Variants in BBS9 observed in about 807,000 individuals in gnomAD.
The protein encoded by BBS9 is Bardet-Biedl syndrome 9.
In BBS9, 89 loss-of-function variants were observed where a neutral mutation model predicts 117.7. That is an observed-to-expected ratio of 0.76 (90% CI 0.64 to 0.90). BBS9 has a LOEUF of 0.90. BBS9 is among the 40% of genes least tolerant of loss of function. The pLI is 0.00. For synonymous variants in BBS9, 379 were observed against 370.9 expected, an observed-to-expected ratio of 1.02 and a Z score of -0.25; for missense variants, 982 against 1,042.2, an observed-to-expected ratio of 0.94 and a Z score of 0.80.
intron 12 of BBS9, among the ~76,000 whole-genome samples, chr7:33,348,079 A>G (rs144970244): frequency 2.1e-4 from 32 of 152,238 alleles, no homozygotes; most frequent in Admixed American, 3.9e-4. Context: ...AGAATTTTGC[A>G]ACTATCACCA....
intron 19 of BBS9, among the ~76,000 whole-genome samples, chr7:33,435,706 A>G (rs1835205095): frequency 6.6e-6 from 1 of 152,228 alleles, no homozygotes; most frequent in African/African-American, 2.4e-5. Context: ...AATCACAATA[A>G]TGAAGATAAT....
At chr7:33,407,719 G>A (rs1830300796) in intron 19 of BBS9, among the ~76,000 whole-genome samples, 1 of 152,138 alleles carries the variant, frequency 6.6e-6, no homozygotes, top group Non-Finnish European at 1.5e-5. Context: ...TGTTTGCCTG[G>A]GTATCAGCAG....
chr7:33,413,569 G>C (rs1831492538), intron 19 of BBS9, among the ~76,000 whole-genome samples: 1 of 152,184 alleles, frequency 6.6e-6, no homozygotes, highest in East Asian at 1.9e-4. Context: ...CATCTTATGG[G>C]GTTTGCCAAC....
intron 19 of BBS9, among the ~76,000 whole-genome samples, chr7:33,392,769 T>A (rs1827272888): frequency 6.6e-6 from 1 of 152,226 alleles, no homozygotes; most frequent in Non-Finnish European, 1.5e-5. Flanking sequence ...AACTTAAATT[T>A]TTGTTGTCAT....
At chr7:33,552,856 A>G (rs1243712570) in intron 21 of BBS9, among the ~76,000 whole-genome samples, 1 of 152,062 alleles carries the variant, frequency 6.6e-6, no homozygotes, top group African/African-American at 2.4e-5. Context: ...TGGTTTTAGG[A>G]TTAAACTTAG....
At chr7:33,451,061 T>A (rs1837767454) in intron 19 of BBS9, among the ~76,000 whole-genome samples, 1 of 152,038 alleles carries the variant, frequency 6.6e-6, no homozygotes. Flanking sequence ...GCTAATTTTT[T>A]GTATTTTTAG....
intron 4 of BBS9, among the ~76,000 whole-genome samples, chr7:33,160,798 A>G (rs1193332873): frequency 1.3e-5 from 2 of 152,140 alleles, no homozygotes; most frequent in African/African-American, 4.8e-5. Context: ...AGAAGATTCA[A>G]TCTTTGTGTT....
chr7:33,196,234 GT>G (rs1784914683), intron 5 of BBS9, among the ~76,000 whole-genome samples: 1 of 151,772 alleles, frequency 6.6e-6, no homozygotes, highest in Non-Finnish European at 1.5e-5. Context: ...CCACTCTGAG[GT>G]TTTGCTACAT....
At chr7:33,550,228 G>C (rs1249319358) in intron 21 of BBS9, among the ~76,000 whole-genome samples, 2 of 152,014 alleles carry the variant, frequency 1.3e-5, no homozygotes, top group African/African-American at 4.8e-5. Flanking sequence ...CCAACAATAA[G>C]ATGAATGTTT....
chr7:33,376,033 T>TA lies in BBS9; in HGVS notation c.1790-7626dup, dbSNP rs1338580081. Among the ~76,000 whole-genome samples, 3 of 152,276 alleles carry TA rather than the reference T, an allele frequency of 2.0e-5. No individual in the cohort carries two copies. The South Asian group carries it at 6.2e-4, about 32-fold the overall frequency. ...TAAATGTTTATTATGAGTTTTACATTAAAAAAACTTTTAGGTTCAGGGGTA... is the reference window on the plus strand; with the variant it reads ...TAAATGTTTATTATGAGTTTTACATTAAAAAAAACTTTTAGGTTCAGGGGTA... On this transcript the variant is annotated intron_variant, in intron 17 of 22. Coordinates refer to ENST00000242067, the MANE Select transcript of BBS9 (RefSeq NM_198428.3).
chr7:33,328,831 T>C (rs1813364672), intron 9 of BBS9, among the ~76,000 whole-genome samples: 1 of 152,112 alleles, frequency 6.6e-6, no homozygotes, highest in Admixed American at 6.5e-5. Context: ...TCAAATAATT[T>C]CATGTTACAC....
chr7:33,512,421 AC>A (rs1194700330), intron 20 of BBS9, among the ~76,000 whole-genome samples: 2 of 152,252 alleles, frequency 1.3e-5, no homozygotes, highest in African/African-American at 4.8e-5. Context: ...GACTAAAAAA[AC>A]AAATAAAGAA....
chr7:33,592,911 A>G (rs1270572047), intron 21 of BBS9, among the ~76,000 whole-genome samples: 1 of 151,974 alleles, frequency 6.6e-6, no homozygotes, highest in African/African-American at 2.4e-5. Context: ...ATTTCATTTC[A>G]TTTTTTTGAG....
At chr7:33,377,454 G>A (rs1824109502) in intron 17 of BBS9, among the ~76,000 whole-genome samples, 1 of 152,134 alleles carries the variant, frequency 6.6e-6, no homozygotes, top group African/African-American at 2.4e-5. Context: ...AGGGCAATGT[G>A]ATGCTTCCAA....
chr7:33,496,309 G>C (rs1844702801), intron 19 of BBS9, among the ~76,000 whole-genome samples: 2 of 152,046 alleles, frequency 1.3e-5, no homozygotes, highest in African/African-American at 4.8e-5. Context: ...TTCGAAACCA[G>C]CCTGATCAAC....
intron 17 of BBS9, among the ~76,000 whole-genome samples, chr7:33,373,430 A>G (rs1823233751): frequency 6.6e-6 from 1 of 152,190 alleles, no homozygotes; most frequent in Non-Finnish European, 1.5e-5. Flanking sequence ...AGTGACACTG[A>G]CAAATTGCAA....
chr7:33,357,866 G>A lies in BBS9; in HGVS notation c.1564G>A (p.Val522Ile). The A allele has an allele frequency of 1.2e-6, 2 of 1,611,970 alleles. No homozygotes were observed. The highest frequency in any genetic ancestry group is 1.7e-5 in the Admixed American group (1 of 59,914). Residue 522 changes from valine (V) to isoleucine (I), a missense_variant, in exon 16 of 23, where the codon GTT (valine) becomes ATT (isoleucine). Transcript: ENST00000242067. The part of the protein sequence containing the change: ...TDRNPDGIPR[V>I]IQCKFRLPLK... ...CTCTTTTATTTTAGGCATTCCGCGA[G>A]TTATCCAATGTAAATTTAGACTTCC...
intron 5 of BBS9, among the ~76,000 whole-genome samples, chr7:33,197,247 A>G (rs1248788611): frequency 6.6e-6 from 1 of 152,170 alleles, no homozygotes; most frequent in Non-Finnish European, 1.5e-5. Context: ...TTTTTGATCC[A>G]TATATATAGT....
intron 5 of BBS9, among the ~76,000 whole-genome samples, chr7:33,180,361 ATT>A (rs34742892): frequency 0.17 from 22,617 of 136,800 alleles, 1,802 homozygotes; most frequent in South Asian, 0.22. Context: ...CTTGCTGAGA[ATT>A]TTTTTTTTTT....
Sources: gnomAD v4.1 joint callset for allele counts (sites outside exome capture counted in the v4.1 genomes callset) on GRCh38, gnomAD v4.1.1 for gene constraint, MANE v1.5 for transcripts, NCBI Gene and HGNC (gene_info 2026-07-23, HGNC 2026-07-21) for gene names.